TUT4: variants seen among roughly 807,000 people sequenced by gnomAD.
The protein encoded by TUT4 is terminal uridylyltransferase 4.
TUT4 carries 36 observed loss-of-function variants against 192.2 expected under a neutral mutation model. That is an observed-to-expected ratio of 0.19 (90% CI 0.14 to 0.25). The LOEUF is 0.25. TUT4 is among the 10% of genes least tolerant of loss of function. The pLI is 1.00. For synonymous variants in TUT4, 618 were observed against 666.0 expected (o/e 0.93, Z 1.11); for missense variants, 1,493 against 1,957.2 (o/e 0.76, Z 4.47).
intron 9 of TUT4, among the ~76,000 whole-genome samples, 195 bp downstream of exon 9, chr1:52,488,714 G>T (rs1263001581): frequency 6.6e-6 from 1 of 152,134 alleles, no homozygotes; most frequent in Non-Finnish European, 1.5e-5. Context: ...ATCCATAAGT[G>T]TGTCTACAAA....
chr1:52,474,507 G>T (rs897255624), intron 13 of TUT4, among the ~76,000 whole-genome samples: 1 of 152,022 alleles, frequency 6.6e-6, no homozygotes. Flanking sequence ...TGTGGCTTTT[G>T]TTGGGGAAAA....
intron 4 of TUT4, among the ~76,000 whole-genome samples, chr1:52,499,986 T>C (rs1407661732): frequency 6.6e-6 from 1 of 151,590 alleles, no homozygotes; most frequent in Non-Finnish European, 1.5e-5. Flanking sequence ...GGTGTGGTGG[T>C]GCATGCCTGT....
rs560266193 is a variant in TUT4, at chr1:52,428,722, C to T, written c.4711+2291G>A. On this transcript the variant is annotated intron_variant, in intron 28 of 29. Coordinates refer to ENST00000257177, the MANE Select transcript of TUT4 (RefSeq NM_001009881.3). ...AGGAGAATCACTTGAACTCAGAAGG[C>T]GGAGGTTGCAGTGAGCCGAGATTGT... 1.6e-4 allele frequency among the ~76,000 whole-genome samples: 24 copies of T among 151,556 alleles called. No individual in the cohort carries two copies. In the South Asian group the frequency reaches 2.3e-3, roughly 14 times the overall value.
Position 52,505,175 on chromosome 1 carries a change from C to T in TUT4, c.999+4421G>A, listed in dbSNP as rs541450308. ...ACCGTACTCTTTTCCATGGCAGCTACACTACTTTCATACCTGTCTTTTTTC... is the reference window on the plus strand; with the variant it reads ...ACCGTACTCTTTTCCATGGCAGCTATACTACTTTCATACCTGTCTTTTTTC... On this transcript the variant is annotated intron_variant, in intron 4 of 29. Transcript: ENST00000257177. Among the ~76,000 whole-genome samples the T allele has an allele frequency of 3.3e-5, 5 of 152,286 alleles. No homozygotes were observed. The South Asian group carries it at 1.0e-3, about 32-fold the overall frequency.
chr1:52,549,440 TCC>T (rs1688860389), intron 1 of TUT4, among the ~76,000 whole-genome samples: 1 of 152,130 alleles, frequency 6.6e-6, no homozygotes, highest in African/African-American at 2.4e-5. Flanking sequence ...CAACCTCCAG[TCC>T]ATCTTCCTCT....
At chr1:52,451,326 C>A (rs1659365007) in intron 20 of TUT4, among the ~76,000 whole-genome samples, 1 of 151,504 alleles carries the variant, frequency 6.6e-6, no homozygotes, top group African/African-American at 2.4e-5. Context: ...CCTTGGCAGG[C>A]CTAATTAATT....
chr1:52,427,933 G>T (rs1650519011), intron 28 of TUT4, among the ~76,000 whole-genome samples: 1 of 152,196 alleles, frequency 6.6e-6, no homozygotes, highest in African/African-American at 2.4e-5. Context: ...CCAACAGAAA[G>T]AGCCTGAATC....
rs917805598 is a variant in TUT4 at position 52,423,718 on chromosome 1, T to C, written c.*217A>G. On this transcript the variant is annotated 3_prime_UTR_variant, in exon 30 of 30. Coordinates refer to ENST00000257177, the MANE Select transcript of TUT4 (RefSeq NM_001009881.3). ...TAGTAAAAACTATAGTTCATATTTA[T>C]ATACAAATAATACAGTCTGTAAAAA... 1.2e-5 allele frequency: 13 copies of C among 1,111,360 alleles called. No individual in the cohort carries two copies. The highest frequency in any genetic ancestry group is 2.3e-4 in the Middle Eastern group (1 of 4,434). The allele number at this position is 1,111,360 out of a possible 1,614,324, so 68.8% of individuals were successfully genotyped here. A position where few individuals can be genotyped will look rare whatever the true frequency, so the allele number is the denominator to read the frequency against.
Position 52,430,351 on chromosome 1 carries a change from C to T in TUT4, c.4711+662G>A, listed in dbSNP as rs185793251. ...TGGCTGGAGTGCAATGGCGCAATCT[C>T]GGCTCACTGCAACCTCCACCTCCTG... On this transcript the variant is annotated intron_variant, in intron 28 of 29. Coordinates refer to ENST00000257177, the MANE Select transcript of TUT4 (RefSeq NM_001009881.3). Among the ~76,000 whole-genome samples, 324 of 152,184 alleles carry T rather than the reference C, an allele frequency of 2.1e-3. 1 individual carries two copies. The highest frequency in any genetic ancestry group is 2.9e-3 in the Non-Finnish European group (197 of 68,018).
chr1:52,462,352 AT>A, intron 16 of TUT4: 2 of 151,748 alleles, frequency 1.3e-5, no homozygotes, highest in Non-Finnish European at 2.9e-5. Context: ...TGCCCGGCTA[AT>A]TTTTTTGTAT....
At chr1:52,448,459 C>T (rs1450838254) in intron 20 of TUT4, among the ~76,000 whole-genome samples, 1 of 151,808 alleles carries the variant, frequency 6.6e-6, no homozygotes, top group Non-Finnish European at 1.5e-5. Flanking sequence ...CGTGGTGGTT[C>T]GTGCTGGTAG....
At chr1:52,531,003 C>A (rs1683239371) in intron 1 of TUT4, among the ~76,000 whole-genome samples, 1 of 151,682 alleles carries the variant, frequency 6.6e-6, no homozygotes, top group Admixed American at 6.6e-5. Context: ...GAACTTGTCT[C>A]AAAAAAAGAA....
At chr1:52,493,538 A>C (rs1671704463) in intron 7 of TUT4, 73 bp downstream of exon 7, 2 of 1,093,198 alleles carry the variant, frequency 1.8e-6, no homozygotes, top group African/African-American at 3.2e-5. Context: ...GGTTAGCCAT[A>C]TATAAACAAC....
intron 4 of TUT4, among the ~76,000 whole-genome samples, chr1:52,500,366 G>C (rs1571001148): frequency 6.6e-6 from 1 of 152,318 alleles, no homozygotes; most frequent in South Asian, 2.1e-4. Context: ...AGGTATAGTG[G>C]CTCACAGTTG....
intron 20 of TUT4, among the ~76,000 whole-genome samples, chr1:52,455,587 C>T (rs1315199507): frequency 9.2e-6 from 1 of 108,788 alleles, no homozygotes; most frequent in Admixed American, 1.4e-4. Context: ...CGGGCAGCAA[C>T]AGGAGTGAGA....
intron 1 of TUT4, among the ~76,000 whole-genome samples, chr1:52,531,975 C>T (rs1033072996): frequency 7.7e-5 from 11 of 143,482 alleles, no homozygotes; most frequent in African/African-American, 2.4e-4. Context: ...GCAACCTCCA[C>T]TTCCCAGGTT....
intron 1 of TUT4, among the ~76,000 whole-genome samples, chr1:52,549,243 A>C (rs565724074): frequency 6.6e-6 from 1 of 152,308 alleles, no homozygotes; most frequent in East Asian, 1.9e-4. Flanking sequence ...TGATCTCACA[A>C]GATAAAAATT....
chr1:52,507,184 C>T (rs1675835508), intron 4 of TUT4, among the ~76,000 whole-genome samples: 1 of 152,210 alleles, frequency 6.6e-6, no homozygotes. Flanking sequence ...TTTTCATATG[C>T]ATGCACCAAT....
In TUT4 at chr1:52,526,336, T is replaced by C; in HGVS notation, c.-56A>G. On this transcript the variant is annotated 5_prime_UTR_variant, in exon 2 of 30. Coordinates refer to ENST00000257177, the MANE Select transcript of TUT4 (RefSeq NM_001009881.3). ...ATATTATAAAATGGCAGATCTCCAG[T>C]AGTTTAAATTGCTTCAAGTCCAGTT... The C allele has an allele frequency of 7.3e-7, 1 of 1,375,112 alleles. No homozygotes were observed. Among genetic ancestry groups the C allele is most frequent in the Non-Finnish European group, 9.4e-7 (1 of 1,063,658 alleles). The allele number at this position is 1,375,112 out of a possible 1,614,324, so 85.2% of individuals were successfully genotyped here.
Sources: gnomAD v4.1 joint callset for allele counts (sites outside exome capture counted in the v4.1 genomes callset) on GRCh38, gnomAD v4.1.1 for gene constraint, MANE v1.5 for transcripts, NCBI Gene and HGNC (gene_info 2026-07-23, HGNC 2026-07-21) for gene names.